PCDHGA3: variants seen among roughly 807,000 people sequenced by gnomAD.
The protein encoded by PCDHGA3 is protocadherin gamma-A3.
A neutral mutation model predicts 58.5 loss-of-function variants in PCDHGA3; 40 were observed. The observed-to-expected ratio is 0.68, with a 90% CI of 0.53 to 0.89. PCDHGA3 has a LOEUF of 0.89. Among genes scored for constraint, PCDHGA3 ranks in the 40% least tolerant of loss-of-function variants. The probability of loss-of-function intolerance (pLI) is 0.00; values close to 1 mark genes in which losing one functional copy is unlikely to be tolerated. For missense variants in PCDHGA3, 1,223 were observed against 1,195.9 expected (o/e 1.02, Z -0.33); for synonymous variants, 530 against 525.7 (o/e 1.01, Z -0.11).
intron 1 of PCDHGA3, chr5:141,352,628 G>A (rs1243952767): frequency 2.5e-6 from 4 of 1,611,516 alleles, no homozygotes; most frequent in East Asian, 2.2e-5. Flanking sequence ...TGCCAGTAAT[G>A]AAGATCACAA....
chr5:141,394,013 T>C, intron 1 of PCDHGA3: 1 of 1,613,384 alleles, frequency 6.2e-7, no homozygotes, highest in Non-Finnish European at 8.5e-7. Flanking sequence ...CAATAGGTAA[T>C]TATTATAGAT....
intron 1 of PCDHGA3, among the ~76,000 whole-genome samples, chr5:141,357,881 C>T (rs1014832669): frequency 1.3e-5 from 2 of 152,144 alleles, no homozygotes; most frequent in African/African-American, 2.4e-5. Flanking sequence ...CTCTGAGCCA[C>T]CTCATTTCCT....
intron 1 of PCDHGA3, chr5:141,478,188 C>T (rs770414950): frequency 4.3e-6 from 7 of 1,613,920 alleles, no homozygotes; most frequent in Non-Finnish European, 5.9e-6. Flanking sequence ...AAAAATCTCA[C>T]CTTTTATCTA....
chr5:141,382,470 A>G (rs918118556), intron 1 of PCDHGA3, among the ~76,000 whole-genome samples: 1 of 152,234 alleles, frequency 6.6e-6, no homozygotes, highest in African/African-American at 2.4e-5. Flanking sequence ...TTTAAAAATT[A>G]TCTAAGATTA....
chr5:141,381,197 G>A (rs775518407), intron 1 of PCDHGA3, among the ~76,000 whole-genome samples: 1 of 152,232 alleles, frequency 6.6e-6, no homozygotes, highest in African/African-American at 2.4e-5. Context: ...CTTTCTTAGT[G>A]TTAGTTCTGG....
At chr5:141,483,917 T>A (rs565465724) in intron 1 of PCDHGA3, among the ~76,000 whole-genome samples, 2 of 151,262 alleles carry the variant, frequency 1.3e-5, no homozygotes, top group South Asian at 4.2e-4. Context: ...CCCACTCAGA[T>A]TGCAGGTCGT....
Position 141,383,203 on chromosome 5 carries a change from T to A in PCDHGA3, c.2424+36746T>A, listed in dbSNP as rs755782697. The A allele has an allele frequency of 2.5e-6, 4 of 1,613,936 alleles. No homozygotes were observed. The highest frequency in any genetic ancestry group is 3.3e-5 in the Admixed American group (2 of 60,008). On this transcript the variant is annotated intron_variant, in intron 1 of 3. Coordinates refer to ENST00000253812, the MANE Select transcript of PCDHGA3 (RefSeq NM_018916.4). ...AGAGATCTGCGCTCAGAGTGCGCGGTGTCTGGTAAACTTTAACATCCTGAT... is the reference window on the plus strand; with the variant it reads ...AGAGATCTGCGCTCAGAGTGCGCGGAGTCTGGTAAACTTTAACATCCTGAT...
intron 1 of PCDHGA3, chr5:141,360,147 C>T (rs1381094393): frequency 7.5e-6 from 12 of 1,600,974 alleles, no homozygotes; most frequent in Non-Finnish European, 1.0e-5. Flanking sequence ...TGAAAGCGAG[C>T]TCAGGGAGGT....
At chr5:141,361,645 T>C (rs1384236598) in intron 1 of PCDHGA3, 6 of 1,613,820 alleles carry the variant, frequency 3.7e-6, no homozygotes, top group Non-Finnish European at 5.1e-6. Context: ...GATTTTATCC[T>C]ACGTGTCCGT....
intron 1 of PCDHGA3, chr5:141,423,540 C>T (rs961504938): frequency 6.2e-7 from 1 of 1,613,606 alleles, no homozygotes; most frequent in Non-Finnish European, 8.5e-7. Context: ...ACCTGATTTT[C>T]CCCCAGCCCA....
chr5:141,414,152 A>T, intron 1 of PCDHGA3: 1 of 1,600,994 alleles, frequency 6.2e-7, no homozygotes, highest in Non-Finnish European at 8.5e-7. Flanking sequence ...ATACAAGCAG[A>T]AGATGGAGGA....
Position 141,486,032 on chromosome 5 carries a change from G to C in PCDHGA3, c.2425-8775G>C, listed in dbSNP as rs560909128. The C allele has an allele frequency of 1.2e-6, 2 of 1,614,166 alleles. No individual in the cohort carries two copies. Among genetic ancestry groups the C allele is most frequent in the African/African-American group, 2.7e-5 (2 of 75,034 alleles). On this transcript the variant is annotated intron_variant, in intron 1 of 3. Transcript: ENST00000253812. This position sits in a 1 kb window ranked among gnomAD's most constrained non-coding sequence, Gnocchi z 5.0. ...CTTTTATTTCAGTGGTCATACCCCT[G>C]ATCGTGTAAGAAACCTCTTTAGCCT... is the stretch of plus-strand genomic sequence containing the variant.
At chr5:141,349,281 G>C (rs1219532810) in intron 1 of PCDHGA3, among the ~76,000 whole-genome samples, 1 of 152,078 alleles carries the variant, frequency 6.6e-6, no homozygotes, top group East Asian at 1.9e-4. Flanking sequence ...TGTTGGACAG[G>C]CTAGTCTCAA....
intron 1 of PCDHGA3, chr5:141,370,899 C>T (rs1767293695): frequency 1.2e-6 from 2 of 1,614,010 alleles, no homozygotes. Flanking sequence ...TTCGCTGCAG[C>T]AGTACTACCT....
chr5:141,357,439 C>T (rs772687347), intron 1 of PCDHGA3: 1 of 1,614,206 alleles, frequency 6.2e-7, no homozygotes, highest in East Asian at 2.2e-5. Flanking sequence ...GGACGGGGTT[C>T]GGGCTTTCCT....
chr5:141,361,828 C>T, intron 1 of PCDHGA3: 1 of 1,613,014 alleles, frequency 6.2e-7, no homozygotes, highest in Non-Finnish European at 8.5e-7. Flanking sequence ...GGTGCTGTAC[C>T]CCGCGCTGGG....
rs764919264 is a variant in PCDHGA3, at chr5:141,383,778, T to A, written c.2424+37321T>A. 2.5e-6 allele frequency: 4 copies of A among 1,614,004 alleles called. No individual in the cohort carries two copies. The South Asian group carries it at 4.4e-5, about 18-fold the overall frequency. ...CTCCTAAACTTCCAAAGATGTTTCA[T>A]CTGAACTCGCTTACAGGAGAAATAT... is the stretch of plus-strand genomic sequence containing the variant. On this transcript the variant is annotated intron_variant, in intron 1 of 3. Coordinates refer to ENST00000253812, the MANE Select transcript of PCDHGA3 (RefSeq NM_018916.4).
intron 1 of PCDHGA3, among the ~76,000 whole-genome samples, chr5:141,437,310 C>T (rs1226274834): frequency 6.6e-6 from 1 of 152,166 alleles, no homozygotes; most frequent in Non-Finnish European, 1.5e-5. Flanking sequence ...TTAAAGCGTT[C>T]AGCTATAATT....
chr5:141,351,733 C>A, intron 1 of PCDHGA3: 3 of 1,613,758 alleles, frequency 1.9e-6, no homozygotes, highest in Non-Finnish European at 2.5e-6. Context: ...TGGCCAGTGA[C>A]CTGGAGCCGC....
Sources: gnomAD v4.1 joint callset for allele counts (sites outside exome capture counted in the v4.1 genomes callset) on GRCh38, gnomAD v4.1.1 for gene constraint, Gnocchi (gnomAD v3.1) non-coding constraint, MANE v1.5 for transcripts, NCBI Gene and HGNC (gene_info 2026-07-23, HGNC 2026-07-21) for gene names.